The following MCC variants were observed in gnomAD, a reference collection of about 807,000 sequenced individuals.
MCC encodes the protein MCC regulator of Wnt signaling pathway.
Under a neutral mutation model 116.2 loss-of-function variants are expected in MCC, and 90 were observed. That is an observed-to-expected ratio of 0.77 (90% CI 0.65 to 0.92). The LOEUF is 0.92. Ranked by LOEUF, MCC falls within the 40% of genes least tolerant of loss-of-function variation. MCC has a pLI of 0.00. For missense variants in MCC, 1,516 were observed against 1,312.2 expected, an observed-to-expected ratio of 1.16 and a Z score of -2.40; for synonymous variants, 578 against 510.5, an observed-to-expected ratio of 1.13 and a Z score of -1.78.
chr5:113,238,151 C>T (rs563807883), intron 3 of MCC, among the ~76,000 whole-genome samples: 1 of 152,322 alleles, frequency 6.6e-6, no homozygotes, highest in African/African-American at 2.4e-5. Flanking sequence ...GTCACTTAAA[C>T]TCAGATGCAA....
At chr5:113,372,360 A>G (rs1241040468) in intron 2 of MCC, among the ~76,000 whole-genome samples, 2 of 152,266 alleles carry the variant, frequency 1.3e-5, no homozygotes, top group African/African-American at 2.4e-5. Context: ...TACTTGAGAC[A>G]TCATTTTAAA....
chr5:113,087,267 A>G (rs1335997436), intron 8 of MCC, among the ~76,000 whole-genome samples: 1 of 152,256 alleles, frequency 6.6e-6, no homozygotes. Flanking sequence ...CCCTCAAAGC[A>G]AATTGCATTC....
chr5:113,111,271 C>T (rs1280613684), intron 6 of MCC, among the ~76,000 whole-genome samples: 1 of 152,188 alleles, frequency 6.6e-6, no homozygotes, highest in Non-Finnish European at 1.5e-5. Context: ...GGAGTTTGTA[C>T]ATTGTCCCCT....
intron 3 of MCC, among the ~76,000 whole-genome samples, chr5:113,270,327 G>A (rs80133946): frequency 0.041 from 6,244 of 152,062 alleles, 406 homozygotes; most frequent in African/African-American, 0.14. Flanking sequence ...TCACTAAAGC[G>A]TGCAACAGAA....
intron 6 of MCC, among the ~76,000 whole-genome samples, chr5:113,108,109 C>A (rs1756855473): frequency 6.6e-6 from 1 of 152,018 alleles, no homozygotes; most frequent in Non-Finnish European, 1.5e-5. Flanking sequence ...CTTTGGGAGG[C>A]CGAGGTGGGT....
At chr5:113,330,465 T>C (rs1180875852) in intron 3 of MCC, among the ~76,000 whole-genome samples, 2 of 152,352 alleles carry the variant, frequency 1.3e-5, no homozygotes, top group Non-Finnish European at 1.5e-5. Flanking sequence ...GTAGGAAGTA[T>C]GTTTCCTATC....
intron 15 of MCC, among the ~76,000 whole-genome samples, chr5:113,052,673 G>A (rs950676559): frequency 3.9e-5 from 6 of 152,100 alleles, no homozygotes; most frequent in South Asian, 2.1e-4. Context: ...TCCCTGCTGC[G>A]GACAGTACTG....
At chr5:113,093,861 A>T (rs575738945) in intron 8 of MCC, among the ~76,000 whole-genome samples, 14 of 152,302 alleles carry the variant, frequency 9.2e-5, no homozygotes, top group African/African-American at 3.1e-4. Flanking sequence ...TGTTCTGCTG[A>T]TGATACGTAG....
chr5:113,064,119 T>C lies in MCC; in HGVS notation c.2078A>G (p.His693Arg). The change falls in exon 14 of 19, where the codon CAT becomes CGT. Residue 693 changes from histidine (H) to arginine (R), a missense_variant. His to Arg is a conservative substitution (Grantham distance 29, BLOSUM62 0). Transcript: ENST00000408903. ...GTTCTCAGCTGTCTTCCGGCAGTCA[T>C]GAGCTCGCTTGAGCATCTGAGTGAT... ...ENITQMLKRA[H>R]DCRKTAENAA... 6.2e-7 allele frequency: 1 copy of C among 1,613,396 alleles called. No individual in the cohort carries two copies.
chr5:113,207,453 G>A (rs1762958537), intron 3 of MCC, among the ~76,000 whole-genome samples: 1 of 143,670 alleles, frequency 7.0e-6, no homozygotes, highest in Admixed American at 6.9e-5. Flanking sequence ...CCTCCATCGT[G>A]GAGGGTGGGG....
chr5:113,054,565 C>T (rs1752689717), intron 14 of MCC, among the ~76,000 whole-genome samples: 1 of 152,154 alleles, frequency 6.6e-6, no homozygotes, highest in Admixed American at 6.5e-5. Context: ...CGGAGCAGCA[C>T]CGAAGGGGGC....
At chr5:113,201,241 T>C (rs1402562126) in intron 3 of MCC, among the ~76,000 whole-genome samples, 3 of 151,844 alleles carry the variant, frequency 2.0e-5, no homozygotes, top group Admixed American at 6.6e-5. Context: ...CAAAATTAGC[T>C]AGGTGTGGTG....
chr5:113,048,648 T>C, intron 16 of MCC: 1 of 230,392 alleles, frequency 4.3e-6, no homozygotes, highest in Non-Finnish European at 8.3e-6. Flanking sequence ...TATGTATGTA[T>C]AGGGGAAAAC....
chr5:113,327,555 A>T (rs1346763391), intron 3 of MCC, among the ~76,000 whole-genome samples: 4 of 80,972 alleles, frequency 4.9e-5, no homozygotes, highest in Admixed American at 1.1e-4. Context: ...CAAAAAAAAA[A>T]AAAAAAATAT....
At chr5:113,427,056 A>G (rs2150409378) in intron 1 of MCC, among the ~76,000 whole-genome samples, 1 of 152,190 alleles carries the variant, frequency 6.6e-6, no homozygotes, top group Non-Finnish European at 1.5e-5. Context: ...TTCTATCCCT[A>G]TGTTGCAGGT....
intron 1 of MCC, among the ~76,000 whole-genome samples, chr5:113,410,088 C>A (rs1043796914): frequency 6.6e-6 from 1 of 152,196 alleles, no homozygotes; most frequent in African/African-American, 2.4e-5. Context: ...ACCTATGTCT[C>A]TGTCTCCGTA....
At chr5:113,405,696 A>T (rs1310031330) in intron 1 of MCC, among the ~76,000 whole-genome samples, 1 of 152,070 alleles carries the variant, frequency 6.6e-6, no homozygotes, top group East Asian at 1.9e-4. Flanking sequence ...AGTCCTAGCT[A>T]CTTAGAAAGC....
At chr5:113,481,205 A>G (rs919958849) in intron 1 of MCC, among the ~76,000 whole-genome samples, 1 of 152,182 alleles carries the variant, frequency 6.6e-6, no homozygotes, top group Non-Finnish European at 1.5e-5. Flanking sequence ...CAAGAGTGCA[A>G]TATGATAAAA....
intron 2 of MCC, among the ~76,000 whole-genome samples, chr5:113,368,996 A>G (rs563710349): frequency 1.3e-5 from 2 of 152,322 alleles, no homozygotes; most frequent in South Asian, 4.1e-4. Flanking sequence ...TTACCAGTTT[A>G]TTACAAAGGA....
Sources: allele counts gnomAD v4.1 joint callset (sites outside exome capture counted in the v4.1 genomes callset), GRCh38; gene constraint gnomAD v4.1.1; transcripts MANE v1.5; gene names NCBI Gene and HGNC (gene_info 2026-07-23, HGNC 2026-07-21).